Variants in PIP5K1B observed in about 807,000 individuals in gnomAD.
The protein encoded by PIP5K1B is phosphatidylinositol 4-phosphate 5-kinase type-1 beta.
In PIP5K1B, 42 loss-of-function variants were observed where a neutral mutation model predicts 67.0. The observed-to-expected ratio is 0.63, with a 90% CI of 0.49 to 0.81. The LOEUF is 0.81. PIP5K1B is among the 30% of genes least tolerant of loss of function. PIP5K1B has a pLI of 0.00. For synonymous variants in PIP5K1B, 214 were observed against 231.4 expected (o/e 0.92, Z 0.68); for missense variants, 459 against 646.3 (o/e 0.71, Z 3.14).
chr9:68,883,597 C>G (rs1468496588), intron 6 of PIP5K1B, among the ~76,000 whole-genome samples: 2 of 152,094 alleles, frequency 1.3e-5, no homozygotes, highest in African/African-American at 4.8e-5. Flanking sequence ...TCTCTCCCTC[C>G]TCTCCCTTTT....
chr9:68,781,091 A>G (rs1831247828), intron 2 of PIP5K1B: 13 of 1,526,816 alleles, frequency 8.5e-6, no homozygotes, highest in Non-Finnish European at 8.8e-6. Context: ...TGGGGCAAAC[A>G]CTGAACTTTG....
intron 6 of PIP5K1B, among the ~76,000 whole-genome samples, chr9:68,880,119 G>T (rs1249999983): frequency 6.6e-6 from 1 of 152,190 alleles, no homozygotes; most frequent in Non-Finnish European, 1.5e-5. Context: ...GTGGTTGGAG[G>T]TCTAGAAGAA....
chr9:68,856,517 C>T (rs555894025), intron 4 of PIP5K1B, among the ~76,000 whole-genome samples: 4 of 152,272 alleles, frequency 2.6e-5, no homozygotes, highest in East Asian at 1.9e-4. Flanking sequence ...AGTGGGTCTC[C>T]GCCCTTCTGA....
intron 2 of PIP5K1B, among the ~76,000 whole-genome samples, chr9:68,806,610 C>T (rs2132006733): frequency 6.6e-6 from 1 of 152,352 alleles, no homozygotes; most frequent in African/African-American, 2.4e-5. Flanking sequence ...ATCCTCTTCC[C>T]TTGAATTCCC....
chr9:68,816,831 A>G (rs1263151612), intron 2 of PIP5K1B, among the ~76,000 whole-genome samples: 1 of 152,220 alleles, frequency 6.6e-6, no homozygotes, highest in Non-Finnish European at 1.5e-5. Context: ...GAATACATGT[A>G]TAACATCAGG....
chr9:68,804,813 G>A (rs1587478127), intron 2 of PIP5K1B, among the ~76,000 whole-genome samples: 1 of 152,282 alleles, frequency 6.6e-6, no homozygotes, highest in East Asian at 1.9e-4. Flanking sequence ...ACCAAGCAAT[G>A]AGGATAATAA....
chr9:68,896,996 T>C (rs1250171669), intron 8 of PIP5K1B, among the ~76,000 whole-genome samples: 1 of 152,158 alleles, frequency 6.6e-6, no homozygotes, highest in Non-Finnish European at 1.5e-5. Context: ...CTTCAGGTCA[T>C]CCTCTGAAAG....
At position 68,914,451 on chromosome 9, in the gene PIP5K1B, C is replaced by T. The variant is rs528649288; in HGVS notation, c.772-3097C>T. On this transcript the variant is annotated intron_variant, in intron 8 of 15. Coordinates refer to ENST00000265382, the MANE Select transcript of PIP5K1B (RefSeq NM_003558.4). Reference sequence around the variant, plus strand: ...AAATTCCTGGCCAGGCACAGTGGCTCACGCCTGTAATCCCAGCACTTTGGG... The same window carrying T: ...AAATTCCTGGCCAGGCACAGTGGCTTACGCCTGTAATCCCAGCACTTTGGG... 2.0e-5 allele frequency among the ~76,000 whole-genome samples: 3 copies of T among 152,328 alleles called. No homozygotes were observed. In the South Asian group the frequency reaches 6.2e-4, roughly 32 times the overall value.
chr9:68,961,881 A>C (rs1008607136), intron 14 of PIP5K1B, among the ~76,000 whole-genome samples: 1 of 152,136 alleles, frequency 6.6e-6, no homozygotes, highest in Non-Finnish European at 1.5e-5. Flanking sequence ...ATGTTGGTAG[A>C]AGTTTTGGGA....
In PIP5K1B at chr9:69,002,268, A is replaced by G. The variant is rs140590875; in HGVS notation, c.1621-6179A>G. Among the ~76,000 whole-genome samples the G allele has an allele frequency of 6.5e-3, 993 of 152,342 alleles. 8 individuals carry two copies. The highest frequency in any genetic ancestry group is 0.022 in the African/African-American group (931 of 41,566). On this transcript the variant is annotated intron_variant, in intron 15 of 15. Coordinates refer to ENST00000265382, the MANE Select transcript of PIP5K1B (RefSeq NM_003558.4). ...CAAGGCTTCTCGGTTGAAGCCTTGT[A>G]GTCCCTGGTCCTTGGAAGAGAGTAA...
chr9:68,876,573 A>C, intron 5 of PIP5K1B, 104 bp from the exon 6 acceptor site: 12 of 685,382 alleles, frequency 1.8e-5, no homozygotes, highest in Non-Finnish European at 2.6e-5. Flanking sequence ...TGATTTTTCT[A>C]GAGATAACAT....
intron 1 of PIP5K1B, among the ~76,000 whole-genome samples, chr9:68,729,978 G>C (rs982074787): frequency 3.9e-5 from 6 of 151,952 alleles, no homozygotes; most frequent in African/African-American, 1.4e-4. Context: ...GTCATGAAAG[G>C]CTAAAAATGA....
At chr9:68,852,327 C>T (rs1191170659) in intron 4 of PIP5K1B, among the ~76,000 whole-genome samples, 1 of 151,892 alleles carries the variant, frequency 6.6e-6, no homozygotes, top group Non-Finnish European at 1.5e-5. Flanking sequence ...CAAAATGTAC[C>T]TTGTTACCCG....
At chr9:68,991,071 G>A in intron 14 of PIP5K1B, 69 bp from the exon 15 acceptor site, 1 of 877,166 alleles carries the variant, frequency 1.1e-6, no homozygotes, top group East Asian at 2.4e-5. Context: ...ACCCTCTTTA[G>A]GACTTTGGAG....
intron 6 of PIP5K1B, among the ~76,000 whole-genome samples, chr9:68,879,958 T>C (rs1249283897): frequency 6.6e-6 from 1 of 152,256 alleles, no homozygotes; most frequent in Non-Finnish European, 1.5e-5. Flanking sequence ...CATAAAAGTA[T>C]ACAATTTTAT....
At chr9:68,819,022 G>T (rs4745295) in intron 3 of PIP5K1B, among the ~76,000 whole-genome samples, 49,120 of 151,982 alleles carry the variant, frequency 0.32, 7,997 homozygotes, top group East Asian at 0.39. Flanking sequence ...ATGTCTCGCT[G>T]TGTCTTTCAG....
intron 14 of PIP5K1B, among the ~76,000 whole-genome samples, chr9:68,979,222 C>A (rs551674999): frequency 6.6e-6 from 1 of 152,142 alleles, no homozygotes; most frequent in African/African-American, 2.4e-5. Context: ...GTCAGACCTA[C>A]GTTCAAATCC....
intron 8 of PIP5K1B, among the ~76,000 whole-genome samples, chr9:68,913,762 C>T (rs996642226): frequency 6.6e-5 from 10 of 152,096 alleles, no homozygotes; most frequent in Admixed American, 2.0e-4. Context: ...CAACTCAGCA[C>T]CCTTCCCAGA....
intron 14 of PIP5K1B, among the ~76,000 whole-genome samples, chr9:68,960,476 T>A (rs1278507270): frequency 1.3e-5 from 2 of 152,196 alleles, no homozygotes; most frequent in African/African-American, 4.8e-5. Context: ...ATTTTCTTGA[T>A]GATTTCATTG....
Sources: allele counts gnomAD v4.1 joint callset (sites outside exome capture counted in the v4.1 genomes callset), GRCh38; gene constraint gnomAD v4.1.1; transcripts MANE v1.5; gene names NCBI Gene and HGNC (gene_info 2026-07-23, HGNC 2026-07-21).